Variants in PTPRB observed in about 807,000 individuals in gnomAD.
PTPRB encodes protein tyrosine phosphatase receptor type B.
Under a neutral mutation model 238.1 loss-of-function variants are expected in PTPRB, and 97 were observed. That is an observed-to-expected ratio of 0.41 (90% CI 0.35 to 0.48). The LOEUF is 0.48. Ranked by LOEUF, PTPRB falls within the 20% of genes least tolerant of loss-of-function variation. The probability of loss-of-function intolerance (pLI) is 0.30; values close to 1 mark genes in which losing one functional copy is unlikely to be tolerated. For missense variants in PTPRB, 2,292 were observed against 2,681.9 expected (o/e 0.85, Z 3.21); for synonymous variants, 970 against 995.4 (o/e 0.97, Z 0.48).
chr12:70,538,730 A>C (rs746456969), intron 27 of PTPRB, 194 bp downstream of exon 27: 1 of 590,528 alleles, frequency 1.7e-6, no homozygotes, highest in Non-Finnish European at 3.0e-6. Context: ...TTTCATAATC[A>C]GAATTTAAAC....
At chr12:70,522,479 T>C (rs1481462060) in intron 33 of PTPRB, 1 of 152,236 alleles carries the variant, frequency 6.6e-6, no homozygotes, top group Non-Finnish European at 1.5e-5. Flanking sequence ...GGTAATTTGT[T>C]AGGCAGTAAT....
rs1880128197 is a variant in PTPRB at position 70,572,075 on chromosome 12, A to G, written c.2855T>C (p.Val952Ala). 2 of 1,610,316 alleles carry G rather than the reference A, an allele frequency of 1.2e-6. No individual in the cohort carries two copies. Among genetic ancestry groups the G allele is most frequent in the Non-Finnish European group, 1.7e-6 (2 of 1,178,116 alleles). Residue 952 changes from valine (V) to alanine (A), a missense_variant, in exon 12 of 34, where the codon GTC becomes GCC. Physicochemically the swap from Val to Ala is moderately conservative, Grantham distance 64 (BLOSUM62 0). This residue lies in a region of PTPRB where 1,205 missense variants were observed against 1,287.8 expected (regional missense o/e 0.94). Transcript: ENST00000334414. ...TGAGTTGCTAACACTGACTCCCTGGACTTTGTCAGGCACTGAAAAGGAAAC... is the reference window on the plus strand; with the variant it reads ...TGAGTTGCTAACACTGACTCCCTGGGCTTTGTCAGGCACTGAAAAGGAAAC... Reference protein sequence around the residue: ...FSQERTVPDKVQGVSVSNSAR... With the variant: ...FSQERTVPDKAQGVSVSNSAR...
At chr12:70,632,071 T>C (rs1387275048) in intron 2 of PTPRB, among the ~76,000 whole-genome samples, 19 of 152,158 alleles carry the variant, frequency 1.2e-4, no homozygotes, top group Admixed American at 1.2e-3. Context: ...AGTGATTGCA[T>C]TACTGGGTAT....
chr12:70,608,901 G>C, intron 4 of PTPRB, 168 bp downstream of exon 4: 1 of 980,750 alleles, frequency 1.0e-6, no homozygotes. Flanking sequence ...CCACCAAGCT[G>C]CTTCTGGCTA....
At chr12:70,564,610 T>C (rs1458641238) in intron 15 of PTPRB, among the ~76,000 whole-genome samples, 1 of 151,652 alleles carries the variant, frequency 6.6e-6, no homozygotes, top group Non-Finnish European at 1.5e-5. Flanking sequence ...GGCAGGTGGA[T>C]TTCTTGAGCC....
intron 16 of PTPRB, among the ~76,000 whole-genome samples, chr12:70,562,007 C>T (rs777027532): frequency 1.8e-4 from 27 of 152,218 alleles, no homozygotes; most frequent in Non-Finnish European, 3.5e-4. Context: ...TGGTGGCTCA[C>T]GCCTCTAATT....
intron 9 of PTPRB, 100 bp downstream of exon 9, chr12:70,586,907 A>G (rs1046265162): frequency 3.5e-6 from 4 of 1,155,378 alleles, no homozygotes; most frequent in African/African-American, 1.5e-5. Flanking sequence ...AGCAATGCCC[A>G]GTACATAATA....
chr12:70,594,025 G>T (rs1223732208), intron 6 of PTPRB, among the ~76,000 whole-genome samples: 2 of 152,212 alleles, frequency 1.3e-5, no homozygotes, highest in Non-Finnish European at 2.9e-5. Flanking sequence ...GTGGGAGTAG[G>T]TCCTGTGGTA....
At chr12:70,569,595 T>C (rs1879769177) in intron 14 of PTPRB, 80 bp downstream of exon 14, 9 of 1,532,246 alleles carry the variant, frequency 5.9e-6, no homozygotes, top group Non-Finnish European at 6.3e-6. Flanking sequence ...GATTTGTGAA[T>C]AGCTGAGCCC....
chr12:70,611,407 G>T (rs758266355), intron 3 of PTPRB, among the ~76,000 whole-genome samples: 6 of 152,140 alleles, frequency 3.9e-5, no homozygotes, highest in Non-Finnish European at 8.8e-5. Context: ...TTAAGCCTCA[G>T]CCTTCCGTGT....
At chr12:70,631,215 T>C (rs1885437486) in intron 2 of PTPRB, among the ~76,000 whole-genome samples, 1 of 152,174 alleles carries the variant, frequency 6.6e-6, no homozygotes, top group Non-Finnish European at 1.5e-5. Context: ...AGCATGGTAC[T>C]GGTACCAAAA....
At position 70,520,052 on chromosome 12, in the gene PTPRB, A is replaced by G; in HGVS notation, c.*1437T>C. On this transcript the variant is annotated 3_prime_UTR_variant, in exon 34 of 34. Transcript: ENST00000334414. ...TGAAAAGAAATATACTCTTTATGCAAAGGAAGCTATGCCATCAACAAACTT... is the reference window on the plus strand; with the variant it reads ...TGAAAAGAAATATACTCTTTATGCAGAGGAAGCTATGCCATCAACAAACTT... The G allele has an allele frequency of 3.0e-6, 1 of 332,238 alleles. No homozygotes were observed. The highest frequency in any genetic ancestry group is 5.9e-6 in the Non-Finnish European group (1 of 169,720). 20.6% of individuals were successfully genotyped at this position (332,238 alleles called of 1,614,324 possible).
At chr12:70,522,683 T>C (rs1202310017) in intron 33 of PTPRB, 1 of 149,582 alleles carries the variant, frequency 6.7e-6, no homozygotes, top group African/African-American at 2.5e-5. Flanking sequence ...TATGTGCTTA[T>C]TCTAGAACAT....
chr12:70,567,105 G>T (rs1465847593), intron 14 of PTPRB, among the ~76,000 whole-genome samples: 2 of 152,060 alleles, frequency 1.3e-5, no homozygotes, highest in Non-Finnish European at 2.9e-5. Flanking sequence ...CATTAACTAA[G>T]GTCAAAACTT....
chr12:70,637,061 A>C (rs576868519), intron 1 of PTPRB, among the ~76,000 whole-genome samples: 44 of 152,272 alleles, frequency 2.9e-4, no homozygotes, highest in African/African-American at 1.0e-3. Flanking sequence ...TAATAATACA[A>C]ACTTTTCCTC....
rs1878732081 is a variant in PTPRB at position 70,563,119 on chromosome 12, G to GAGGAGC, written c.3905-18_3905-13dup. The GAGGAGC allele has an allele frequency of 6.2e-7, 1 of 1,603,696 alleles. No individual in the cohort carries two copies. Among genetic ancestry groups the GAGGAGC allele is most frequent in the Non-Finnish European group, 8.5e-7 (1 of 1,173,530 alleles). On this transcript the variant is annotated splice_polypyrimidine_tract_variant and intron_variant, in intron 15 of 33. Coordinates refer to ENST00000334414, the MANE Select transcript of PTPRB (RefSeq NM_001109754.4). ...GACAGCTGCTGGGACTGGAAAAGTCGAGGAGCAAGAGAATGAGGGAGGGAA... is the reference window on the plus strand; with the variant it reads ...GACAGCTGCTGGGACTGGAAAAGTCGAGGAGCAGGAGCAAGAGAATGAGGGAGGGAA...
chr12:70,597,701 C>T (rs950736467), intron 4 of PTPRB, among the ~76,000 whole-genome samples: 1 of 152,038 alleles, frequency 6.6e-6, no homozygotes, highest in African/African-American at 2.4e-5. Flanking sequence ...ATTGTGTTCA[C>T]AATATAACAC....
At chr12:70,577,846 T>A (rs1157013073) in intron 10 of PTPRB, among the ~76,000 whole-genome samples, 1 of 152,212 alleles carries the variant, frequency 6.6e-6, no homozygotes, top group African/African-American at 2.4e-5. Flanking sequence ...AAAGTTGAAC[T>A]TTTTAGCCAG....
rs765030307 is a variant in PTPRB, at chr12:70,622,662, G to T, written c.452-16C>A. ...CCCAGGCCAGCTGAGGTAAAGAAAA[G>T]ATAGTTGCAAAGATTATTCTCATGT... On this transcript the variant is annotated splice_polypyrimidine_tract_variant and intron_variant, in intron 2 of 33. Coordinates refer to ENST00000334414, the MANE Select transcript of PTPRB (RefSeq NM_001109754.4). 6.5e-7 allele frequency: 1 copy of T among 1,540,978 alleles called. No individual in the cohort carries two copies. The highest frequency in any genetic ancestry group is 1.2e-5 in the South Asian group (1 of 83,964).
Sources: gnomAD v4.1 joint callset for allele counts (sites outside exome capture counted in the v4.1 genomes callset) on GRCh38, gnomAD v4.1.1 for gene constraint, gnomAD v4.1.1 regional missense constraint, MANE v1.5 for transcripts, NCBI Gene and HGNC (gene_info 2026-07-23, HGNC 2026-07-21) for gene names.